Variants in CRADD observed in about 807,000 individuals in gnomAD.
The protein encoded by CRADD is death domain-containing protein CRADD.
CRADD carries 9 observed loss-of-function variants against 15.5 expected under a neutral mutation model. The ratio of observed to expected loss-of-function variants is 0.58; its 90% CI spans 0.35 to 1.01. The LOEUF (loss-of-function observed/expected upper bound fraction) is 1.01. CRADD is among the 50% of genes least tolerant of loss of function. The pLI, the probability that CRADD is intolerant of heterozygous loss-of-function variation, is 0.02. For missense variants in CRADD, 227 were observed against 250.3 expected (o/e 0.91, Z 0.63); for synonymous variants, 118 against 107.6 (o/e 1.10, Z -0.60).
At chr12:93,803,347 A>T (rs1351304390) in intron 2 of CRADD, among the ~76,000 whole-genome samples, 1 of 151,922 alleles carries the variant, frequency 6.6e-6, no homozygotes, top group Non-Finnish European at 1.5e-5. Flanking sequence ...CCTGGGAGAG[A>T]TTTGGAAGTT....
intron 2 of CRADD, among the ~76,000 whole-genome samples, chr12:93,825,512 T>A (rs1957813858): frequency 6.6e-6 from 1 of 152,252 alleles, no homozygotes; most frequent in Admixed American, 6.5e-5. Context: ...GGGAGCACAC[T>A]TATTTCAAAA....
At chr12:93,814,220 G>A (rs537869058) in intron 2 of CRADD, among the ~76,000 whole-genome samples, 1 of 152,100 alleles carries the variant, frequency 6.6e-6, no homozygotes, top group African/African-American at 2.4e-5. Context: ...AATTGTTCCC[G>A]CTGAATACAC....
At chr12:93,864,131 T>G (rs1958342754) in intron 2 of CRADD, among the ~76,000 whole-genome samples, 1 of 152,218 alleles carries the variant, frequency 6.6e-6, no homozygotes, top group East Asian at 1.9e-4. Context: ...CATAGCTTAC[T>G]ATAGCCTCGA....
intron 2 of CRADD, among the ~76,000 whole-genome samples, chr12:93,759,414 C>T (rs1287376469): frequency 2.3e-5 from 3 of 133,186 alleles, no homozygotes; most frequent in African/African-American, 7.4e-5. Flanking sequence ...TTAGAACTAG[C>T]TCGAGAAAGG....
chr12:93,838,335 A>G (rs568617939), intron 2 of CRADD, among the ~76,000 whole-genome samples: 1 of 149,722 alleles, frequency 6.7e-6, no homozygotes, highest in Admixed American at 6.7e-5. Flanking sequence ...GTGGCTGATC[A>G]GGTTAGTTTT....
At chr12:93,783,357 T>C (rs1957234759) in intron 2 of CRADD, among the ~76,000 whole-genome samples, 1 of 151,210 alleles carries the variant, frequency 6.6e-6, no homozygotes, top group Non-Finnish European at 1.5e-5. Flanking sequence ...AAATCTGAGC[T>C]CTTTTGTTTT....
chr12:93,748,729 C>T (rs1334849671), intron 2 of CRADD, among the ~76,000 whole-genome samples: 4 of 152,204 alleles, frequency 2.6e-5, no homozygotes, highest in East Asian at 1.9e-4. Flanking sequence ...AGTCCCCCTT[C>T]GGGACCTGCT....
rs145759901 is a variant in CRADD, at chr12:93,786,672, G to A, written c.299-63298G>A. Among the ~76,000 whole-genome samples the A allele has an allele frequency of 2.6e-5, 4 of 152,298 alleles. No individual in the cohort carries two copies. In the East Asian group the frequency reaches 7.7e-4, roughly 29 times the overall value. On this transcript the variant is annotated intron_variant, in intron 2 of 2. Transcript: ENST00000332896. ...GGGATAAGTTTTCTACTTGCCAGTA[G>A]AGGTAGAAGGCAGTAAAACCAAATA...
Position 93,804,157 on chromosome 12 carries a change from G to A in CRADD, c.299-45813G>A, listed in dbSNP as rs542801333. Among the ~76,000 whole-genome samples, 17 of 148,918 alleles carry A rather than the reference G, an allele frequency of 1.1e-4. 1 individual carries two copies. The highest frequency in any genetic ancestry group is 1.1e-3 in the Admixed American group (16 of 14,942). ...ACCATCCCATACAAAACACTTAAAT[G>A]AAAAAAAAAATACATACATCTGTAG... On this transcript the variant is annotated intron_variant, in intron 2 of 2. Transcript: ENST00000332896.
At chr12:93,711,596 C>G (rs1956075675) in intron 2 of CRADD, among the ~76,000 whole-genome samples, 1 of 152,030 alleles carries the variant, frequency 6.6e-6, no homozygotes, top group Admixed American at 6.6e-5. Context: ...TTCCTTGAGC[C>G]CTTGAGGTTC....
intron 2 of CRADD, among the ~76,000 whole-genome samples, chr12:93,696,564 G>C (rs1347044106): frequency 1.3e-5 from 2 of 152,132 alleles, no homozygotes; most frequent in Non-Finnish European, 2.9e-5. Flanking sequence ...TAGAATGGTA[G>C]ATACCAGAGG....
chr12:93,849,740 C>CAAAAAA, intron 2 of CRADD, among the ~76,000 whole-genome samples: 1 of 62,252 alleles, frequency 1.6e-5, no homozygotes, highest in Non-Finnish European at 3.5e-5. Flanking sequence ...AACACCGTCT[C>CAAAAAA]AAAAAAAAAA....
At chr12:93,747,495 C>T (rs1280403307) in intron 2 of CRADD, among the ~76,000 whole-genome samples, 2 of 147,544 alleles carry the variant, frequency 1.4e-5, no homozygotes, top group Non-Finnish European at 3.0e-5. Context: ...TAGTCTTGCT[C>T]TGTTGCCCAG....
At chr12:93,779,222 A>AT (rs1957172679) in intron 2 of CRADD, among the ~76,000 whole-genome samples, 2 of 152,140 alleles carry the variant, frequency 1.3e-5, no homozygotes, top group South Asian at 2.1e-4. Context: ...AAGCCTTTCT[A>AT]TTTTTTAAAC....
chr12:93,686,302 CCCAAAAAAAAAA>C (rs776302900), intron 2 of CRADD, among the ~76,000 whole-genome samples: 71 of 72,532 alleles, frequency 9.8e-4, no homozygotes, highest in Middle Eastern at 7.5e-3. Flanking sequence ...CTCCATCCCC[CCCAAAAAAAAAA>C]AAAAAAAAAA....
chr12:93,788,038 C>G (rs1957299450), intron 2 of CRADD, among the ~76,000 whole-genome samples: 1 of 152,172 alleles, frequency 6.6e-6, no homozygotes, highest in Non-Finnish European at 1.5e-5. Flanking sequence ...TGAAATATGG[C>G]TCATCTCATG....
chr12:93,738,776 T>A (rs1029550419), intron 2 of CRADD: 9 of 227,216 alleles, frequency 4.0e-5, no homozygotes, highest in Non-Finnish European at 6.7e-5. Flanking sequence ...AATTAGTAAG[T>A]CACAAACTCT....
At chr12:93,883,486 C>A (rs1052201120) in intron 2 of CRADD, among the ~76,000 whole-genome samples, 1 of 152,070 alleles carries the variant, frequency 6.6e-6, no homozygotes, top group South Asian at 2.1e-4. Flanking sequence ...AATTTAAAGA[C>A]AAGTAAGAAA....
chr12:93,849,815 G>A (rs1296528358), intron 2 of CRADD, among the ~76,000 whole-genome samples, 155 bp from the exon 3 acceptor site: 2 of 151,962 alleles, frequency 1.3e-5, no homozygotes, highest in Non-Finnish European at 2.9e-5. Flanking sequence ...CTGAATCATG[G>A]CGTTGTACAG....
Sources: allele counts gnomAD v4.1 joint callset (sites outside exome capture counted in the v4.1 genomes callset), GRCh38; gene constraint gnomAD v4.1.1; transcripts MANE v1.5; gene names NCBI Gene and HGNC (gene_info 2026-07-23, HGNC 2026-07-21).